The following ADARB2 variants were observed in gnomAD, a reference collection of about 807,000 sequenced individuals.
ADARB2 encodes the protein adenosine deaminase RNA specific B2 (inactive), also known as inactive double-stranded RNA-specific editase B2.
Under a neutral mutation model 62.2 loss-of-function variants are expected in ADARB2, and 25 were observed. That is an observed-to-expected ratio of 0.40 (90% CI 0.29 to 0.56). The LOEUF (loss-of-function observed/expected upper bound fraction) is 0.56. ADARB2 is among the 20% of genes least tolerant of loss of function. The probability of loss-of-function intolerance (pLI) is 0.43; values close to 1 mark genes in which losing one functional copy is unlikely to be tolerated. For missense variants in ADARB2, 1,071 were observed against 1,077.4 expected (o/e 0.99, Z 0.08); for synonymous variants, 572 against 500.8 (o/e 1.14, Z -1.90).
chr10:1,477,922 C>T lies in ADARB2; in HGVS notation c.101-98762G>A, dbSNP rs1333484997. On this transcript the variant is annotated intron_variant, in intron 1 of 9. Transcript: ENST00000381312. This position sits in a 1 kb window ranked among gnomAD's most constrained non-coding sequence, Gnocchi z 4.5. Reference sequence around the variant, plus strand: ...CCCTGACATGCATCCCAGGGAAGAGCCCCTCTGCTGGAGGACTAAGAGGGT... The same window carrying T: ...CCCTGACATGCATCCCAGGGAAGAGTCCCTCTGCTGGAGGACTAAGAGGGT... Among the ~76,000 whole-genome samples, 1 of 152,216 alleles carries T rather than the reference C, an allele frequency of 6.6e-6. No individual in the cohort carries two copies.
At chr10:1,665,378 AC>A (rs1286257328) in intron 1 of ADARB2, among the ~76,000 whole-genome samples, 1 of 152,202 alleles carries the variant, frequency 6.6e-6, no homozygotes, top group African/African-American at 2.4e-5. Context: ...CAGAGGACGC[AC>A]CCCGACGTGG....
In ADARB2 at chr10:1,299,118, T is replaced by C. The variant is rs183521584; in HGVS notation, c.1078-28049A>G. ...ATAGTGAAGCCAGCTGGAAGACACA[T>C]GCTCTTAAATGTCTTGTGTGTTAAG... is the stretch of plus-strand genomic sequence containing the variant. On this transcript the variant is annotated intron_variant, in intron 3 of 9. Transcript: ENST00000381312. 2.7e-3 allele frequency among the ~76,000 whole-genome samples: 406 copies of C among 152,082 alleles called. 7 individuals are homozygous for C. The highest frequency in any genetic ancestry group is 0.022 in the Admixed American group (338 of 15,260).
rs937255572 is a variant in ADARB2 at position 1,255,768 on chromosome 10, G to C, written c.1193-13469C>G. On this transcript the variant is annotated intron_variant, in intron 4 of 9. Coordinates refer to ENST00000381312, the MANE Select transcript of ADARB2 (RefSeq NM_018702.4). This position sits in a 1 kb window ranked among gnomAD's most constrained non-coding sequence, Gnocchi z 4.7. ...AGTGTGACCTCATGAGAGTGGAGGG[G>C]ATCCCTCCCAAACAGGTCACACGTG... Among the ~76,000 whole-genome samples the C allele has an allele frequency of 6.6e-6, 1 of 152,146 alleles. No homozygotes were observed.
intron 1 of ADARB2, among the ~76,000 whole-genome samples, chr10:1,730,888 C>A (rs1216076102): frequency 6.6e-6 from 1 of 152,050 alleles, no homozygotes; most frequent in African/African-American, 2.4e-5. Context: ...CATTTTCCTG[C>A]CAGAAACTAG....
At chr10:1,693,829 T>A (rs1200188231) in intron 1 of ADARB2, among the ~76,000 whole-genome samples, 2 of 152,222 alleles carry the variant, frequency 1.3e-5, no homozygotes, top group Non-Finnish European at 2.9e-5. Flanking sequence ...AAATAATGAT[T>A]TATTGAAATT....
chr10:1,559,735 A>G (rs1832762275), intron 1 of ADARB2, among the ~76,000 whole-genome samples: 1 of 152,202 alleles, frequency 6.6e-6, no homozygotes, highest in Admixed American at 6.5e-5. Flanking sequence ...GATTTTACAC[A>G]TTTTAAGAAA....
chr10:1,628,764 T>G (rs1833803907), intron 1 of ADARB2, among the ~76,000 whole-genome samples: 1 of 152,230 alleles, frequency 6.6e-6, no homozygotes, highest in Non-Finnish European at 1.5e-5. Context: ...TCCTGGTGTG[T>G]CTTTCTCTTC....
intron 1 of ADARB2, among the ~76,000 whole-genome samples, chr10:1,410,229 T>C (rs548279318): frequency 3.4e-5 from 5 of 145,438 alleles, no homozygotes; most frequent in Non-Finnish European, 7.4e-5. Context: ...CTGGCCGTGG[T>C]CATGGGGAAG....
chr10:1,363,952 C>T (rs1419939392), intron 2 of ADARB2, 35 bp from the exon 3 acceptor site: 4 of 1,417,996 alleles, frequency 2.8e-6, no homozygotes, highest in Non-Finnish European at 3.7e-6. Flanking sequence ...GGAGCCTGGG[C>T]GGGCGCCGGC....
chr10:1,327,557 G>A (rs376784755), intron 3 of ADARB2, among the ~76,000 whole-genome samples: 5 of 12,114 alleles, frequency 4.1e-4, no homozygotes, highest in Non-Finnish European at 4.4e-4. Flanking sequence ...GCCTCCTCAC[G>A]GCCCAGCGCC....
intron 1 of ADARB2, among the ~76,000 whole-genome samples, chr10:1,566,063 CAAAAAAAAAAAAAAAAAAAAAAAAAAAAA>C (rs376967105): frequency 1.6e-5 from 2 of 128,042 alleles, no homozygotes; most frequent in African/African-American, 6.0e-5. Context: ...CTCAGTCTAG[CAAAAAAAAAAAAAAAAAAAAAAAAAAAAA>C]AAAAAAAAAA....
At chr10:1,215,240 C>T (rs1302146576) in intron 7 of ADARB2, among the ~76,000 whole-genome samples, 3 of 152,212 alleles carry the variant, frequency 2.0e-5, no homozygotes, top group African/African-American at 4.8e-5. Context: ...GGTGCCTGTC[C>T]CATGCAGGCA....
At chr10:1,288,990 C>T (rs923748686) in intron 3 of ADARB2, among the ~76,000 whole-genome samples, 4 of 152,172 alleles carry the variant, frequency 2.6e-5, no homozygotes, top group African/African-American at 9.7e-5. Context: ...GTCGGACATG[C>T]CTCATGATAC....
chr10:1,587,407 T>C (rs1053134206), intron 1 of ADARB2, among the ~76,000 whole-genome samples: 1 of 152,158 alleles, frequency 6.6e-6, no homozygotes, highest in African/African-American at 2.4e-5. Context: ...CTTTCTTGCT[T>C]CCCTTGAAAA....
In ADARB2 at chr10:1,524,705, G is replaced by C. The variant is rs560284777; in HGVS notation, c.101-145545C>G. Among the ~76,000 whole-genome samples, 11 of 152,214 alleles carry C rather than the reference G, an allele frequency of 7.2e-5. No homozygotes were observed. The South Asian group carries it at 2.1e-3, about 29-fold the overall frequency. ...GAACAGCACAGCCCGGTGGCTGCCC[G>C]GGGGGAGGTGGTAGGCAGGGTCAGA... is the stretch of plus-strand genomic sequence containing the variant. On this transcript the variant is annotated intron_variant, in intron 1 of 9. Transcript: ENST00000381312.
chr10:1,650,145 C>T (rs141657369), intron 1 of ADARB2, among the ~76,000 whole-genome samples: 29 of 152,340 alleles, frequency 1.9e-4, no homozygotes, highest in African/African-American at 5.5e-4. Flanking sequence ...AGACTGGCTA[C>T]GTTCATGACT....
At chr10:1,435,462 C>G (rs766033098) in intron 1 of ADARB2, among the ~76,000 whole-genome samples, 1 of 148,290 alleles carries the variant, frequency 6.7e-6, no homozygotes, top group South Asian at 2.1e-4. Flanking sequence ...TTTGCTGCCC[C>G]GGGCTGAGCC....
intron 1 of ADARB2, among the ~76,000 whole-genome samples, chr10:1,637,068 C>G (rs1377902662): frequency 6.6e-6 from 1 of 152,038 alleles, no homozygotes; most frequent in African/African-American, 2.4e-5. Context: ...AAGGCTGTTG[C>G]TTAAATCTTA....
At chr10:1,542,519 A>G (rs61831938) in intron 1 of ADARB2, among the ~76,000 whole-genome samples, 2 of 22,620 alleles carry the variant, frequency 8.8e-5, no homozygotes, top group South Asian at 2.4e-3. Flanking sequence ...GACGCAGTTC[A>G]GACCCTGGAT....
Sources: gnomAD v4.1 joint callset for allele counts (sites outside exome capture counted in the v4.1 genomes callset) on GRCh38, gnomAD v4.1.1 for gene constraint, Gnocchi (gnomAD v3.1) non-coding constraint, MANE v1.5 for transcripts, NCBI Gene and HGNC (gene_info 2026-07-23, HGNC 2026-07-21) for gene names.